DOCK9: variants seen among roughly 807,000 people sequenced by gnomAD.
DOCK9 encodes dedicator of cytokinesis 9.
A neutral mutation model predicts 263.3 loss-of-function variants in DOCK9; 89 were observed. The ratio of observed to expected loss-of-function variants is 0.34; its 90% confidence interval spans 0.28 to 0.40. DOCK9 has a LOEUF of 0.40. Ranked by LOEUF, DOCK9 falls within the 10% of genes least tolerant of loss-of-function variation. DOCK9 has a pLI of 1.00. For missense variants in DOCK9, 2,140 were observed against 2,603.4 expected (o/e 0.82, Z 3.87); for synonymous variants, 976 against 973.1 (o/e 1.00, Z -0.06).
At chr13:99,065,896 C>A (rs1456511636) in intron 1 of DOCK9, among the ~76,000 whole-genome samples, 1 of 152,190 alleles carries the variant, frequency 6.6e-6, no homozygotes, top group Non-Finnish European at 1.5e-5. Flanking sequence ...TTGGACTCAA[C>A]AAATGTGTTC....
At position 98,851,927 on chromosome 13, in the gene DOCK9, T is replaced by A. The variant is rs147932827; in HGVS notation, c.3946+1481A>T. The stretch of plus-strand genomic sequence containing the variant: ...CTAATTATAAAGGGAAAACAATCGA[T>A]AACTTGAAGAAAATTGAGAGAAAAA... On this transcript the variant is annotated intron_variant, in intron 35 of 52. Transcript: ENST00000682017. Among the ~76,000 whole-genome samples, 12 of 152,330 alleles carry A rather than the reference T, an allele frequency of 7.9e-5. No individual in the cohort carries two copies. The East Asian group carries it at 1.9e-3, about 24-fold the overall frequency.
At chr13:98,823,105 G>A (rs540782398) in intron 45 of DOCK9, among the ~76,000 whole-genome samples, 1 of 150,126 alleles carries the variant, frequency 6.7e-6, no homozygotes, top group African/African-American at 2.4e-5. Flanking sequence ...AATAGCATTT[G>A]TAAATAAAAA....
chr13:98,833,666 A>G (rs1228529890), intron 39 of DOCK9, among the ~76,000 whole-genome samples: 1 of 152,188 alleles, frequency 6.6e-6, no homozygotes, highest in Non-Finnish European at 1.5e-5. Context: ...AACCTCAAAT[A>G]TATACAATAA....
rs116286205 is a variant in DOCK9 at position 98,847,186 on chromosome 13, T to C, written c.4062-1126A>G. ...TGTTTTAAGCTGTGAGGCATTTTAT[T>C]CTACTTGGCACAATATTCTCCAAAT... On this transcript the variant is annotated intron_variant, in intron 37 of 52. Coordinates refer to ENST00000682017, the MANE Select transcript of DOCK9 (RefSeq NM_001366683.2). 981 of 155,630 alleles carry C rather than the reference T, an allele frequency of 6.3e-3. 14 individuals are homozygous for C. The highest frequency in any genetic ancestry group is 0.022 in the African/African-American group (918 of 41,588). The allele number at this position is 155,630 out of a possible 1,614,324, so 9.6% of individuals were successfully genotyped here. A position where few individuals can be genotyped will look rare whatever the true frequency, so the allele number is the denominator to read the frequency against.
At chr13:98,833,514 A>G (rs1038548032) in intron 39 of DOCK9, among the ~76,000 whole-genome samples, 12 of 151,614 alleles carry the variant, frequency 7.9e-5, no homozygotes, top group Non-Finnish European at 1.6e-4. Context: ...CTTCAGTTCA[A>G]TTTCTCCTCC....
intron 1 of DOCK9, among the ~76,000 whole-genome samples, chr13:98,957,814 G>A (rs989041856): frequency 1.8e-4 from 27 of 152,166 alleles, no homozygotes; most frequent in African/African-American, 6.0e-4. Context: ...ATTACAAAGA[G>A]GTCAGATGGA....
Position 98,888,456 on chromosome 13 carries a change from G to A in DOCK9, c.1881C>T (p.Cys627=). 1 of 1,613,972 alleles carries A rather than the reference G, an allele frequency of 6.2e-7. No individual in the cohort carries two copies. Among genetic ancestry groups the A allele is most frequent in the Non-Finnish European group, 8.5e-7 (1 of 1,179,860 alleles). The stretch of plus-strand genomic sequence containing the variant: ...TGTAAGGCTGAGTGTGTTTTGGTAT[G>A]CAGGGCACAAATTCCTCCACTTCAA... The part of the protein sequence containing the change: ...ITFEVEEFVP[C]IPKHTQPYTI... The change falls in exon 17 of 53, where the codon TGC becomes TGT. Residue 627 remains cysteine, a synonymous_variant. Coordinates refer to ENST00000682017, the MANE Select transcript of DOCK9 (RefSeq NM_001366683.2).
At chr13:98,955,020 T>G (rs2057875189) in intron 2 of DOCK9, among the ~76,000 whole-genome samples, 1 of 152,216 alleles carries the variant, frequency 6.6e-6, no homozygotes, top group South Asian at 2.1e-4. Flanking sequence ...TTTTCATCTT[T>G]TAAAAACCAT....
intron 9 of DOCK9, among the ~76,000 whole-genome samples, chr13:98,907,742 T>C (rs2049341011): frequency 2.6e-5 from 4 of 152,144 alleles, no homozygotes; most frequent in Admixed American, 2.6e-4. Context: ...GATGATGCAT[T>C]AAACACAGAG....
chr13:98,817,163 A>T (rs2091921322), intron 45 of DOCK9, among the ~76,000 whole-genome samples: 1 of 152,160 alleles, frequency 6.6e-6, no homozygotes, highest in South Asian at 2.1e-4. Context: ...TCAGTTATTA[A>T]ATATATGCCA....
intron 52 of DOCK9, among the ~76,000 whole-genome samples, chr13:98,796,580 C>T (rs2089441199): frequency 6.6e-6 from 1 of 152,170 alleles, no homozygotes; most frequent in Non-Finnish European, 1.5e-5. Context: ...GAGATAACAG[C>T]AAAATAATCA....
intron 1 of DOCK9, among the ~76,000 whole-genome samples, chr13:99,022,095 A>C (rs972680741): frequency 1.7e-4 from 26 of 152,206 alleles, no homozygotes; most frequent in African/African-American, 6.0e-4. Context: ...ATTTCGACTT[A>C]TTGCATATTT....
exon 1 of DOCK9, chr13:99,086,459 G>GCGCCGC (rs1354885492): frequency 4.1e-6 from 3 of 739,144 alleles, no homozygotes; most frequent in East Asian, 2.6e-4. Context: ...GCCGCTCCCG[G>GCGCCGC]CGCCGCCGCC....
At chr13:98,898,724 T>C (rs2047807247) in intron 13 of DOCK9, among the ~76,000 whole-genome samples, 1 of 152,212 alleles carries the variant, frequency 6.6e-6, no homozygotes, top group Non-Finnish European at 1.5e-5. Flanking sequence ...ATTCCCACAA[T>C]ATAAGGGATA....
intron 2 of DOCK9, among the ~76,000 whole-genome samples, chr13:98,944,722 G>C (rs1014704160): frequency 2.0e-5 from 3 of 152,212 alleles, no homozygotes; most frequent in Admixed American, 2.0e-4. Flanking sequence ...AGGAAGGCGG[G>C]AGAACCCTTT....
intron 1 of DOCK9, among the ~76,000 whole-genome samples, chr13:99,028,632 T>G (rs1266790541): frequency 2.0e-5 from 3 of 152,172 alleles, no homozygotes; most frequent in Non-Finnish European, 4.4e-5. Context: ...GAAACTTACC[T>G]CTACAATTTA....
intron 1 of DOCK9, among the ~76,000 whole-genome samples, chr13:98,958,399 G>A (rs940389104): frequency 6.6e-6 from 1 of 152,180 alleles, no homozygotes; most frequent in African/African-American, 2.4e-5. Flanking sequence ...GCCTTGGGTG[G>A]GGGTGAGAGG....
intron 1 of DOCK9, among the ~76,000 whole-genome samples, chr13:99,001,806 C>G (rs1040204590): frequency 1.3e-5 from 2 of 152,204 alleles, no homozygotes; most frequent in African/African-American, 2.4e-5. Context: ...AGGGGCTCCC[C>G]CTATGGTCTC....
chr13:99,006,839 C>G (rs1567198938), intron 1 of DOCK9, among the ~76,000 whole-genome samples: 1 of 152,112 alleles, frequency 6.6e-6, no homozygotes, highest in Non-Finnish European at 1.5e-5. Flanking sequence ...CACCTGTAAT[C>G]CCAGCACTTT....
Sources: allele counts gnomAD v4.1 joint callset (sites outside exome capture counted in the v4.1 genomes callset), GRCh38; gene constraint gnomAD v4.1.1; transcripts MANE v1.5; gene names NCBI Gene and HGNC (gene_info 2026-07-23, HGNC 2026-07-21).